Variants in DNAH17 observed in about 807,000 individuals in gnomAD.
The protein encoded by DNAH17 is dynein axonemal heavy chain 17, also known as axonemal beta dynein heavy chain 17.
Under a neutral mutation model 485.6 loss-of-function variants are expected in DNAH17, and 376 were observed. The observed-to-expected ratio is 0.77, with a 90% CI of 0.71 to 0.84. DNAH17 has a LOEUF of 0.84. Among genes scored for constraint, DNAH17 ranks in the 40% least tolerant of loss-of-function variants. The probability of loss-of-function intolerance (pLI) is 0.00; values close to 1 mark genes in which losing one functional copy is unlikely to be tolerated. For synonymous variants in DNAH17, 3,031 were observed against 2,405.9 expected (o/e 1.26, Z -7.60); for missense variants, 6,370 against 5,839.3 (o/e 1.09, Z -2.96).
chr17:78,427,803 C>T (rs542735737), intron 77 of DNAH17, among the ~76,000 whole-genome samples: 3 of 152,140 alleles, frequency 2.0e-5, no homozygotes, highest in African/African-American at 4.8e-5. Flanking sequence ...GAAACTGTCT[C>T]TACCACAAAT....
At position 78,475,426 on chromosome 17, in the gene DNAH17, C is replaced by T. The variant is rs779799677; in HGVS notation, c.8363G>A (p.Arg2788His). 21 of 1,613,710 alleles carry T rather than the reference C, an allele frequency of 1.3e-5. No individual in the cohort carries two copies. The highest frequency in any genetic ancestry group is 2.2e-5 in the East Asian group (1 of 44,886). Residue 2788 changes from arginine (R) to histidine (H), a missense_variant, in exon 54 of 81, where the codon CGC becomes CAC. Transcript: ENST00000389840. ...ATTCCCCCGGGGAGACTCCAGGATG[C>T]GATTAATCCTGCAGATGTGAGCCAC... ...DAVAHICRIN[R>H]ILESPRGNAL...
rs1402926495 is a variant in DNAH17, at chr17:78,575,093, T to G, written c.-25-11A>C. The G allele has an allele frequency of 6.5e-7, 1 of 1,545,826 alleles. No homozygotes were observed. Among genetic ancestry groups the G allele is most frequent in the Non-Finnish European group, 8.8e-7 (1 of 1,135,286 alleles). ...CCTTACACTGTGTATCTGTTAAGAG[T>G]GCAAGAAACAGGTACGAACTGTCTC... On this transcript the variant is annotated splice_polypyrimidine_tract_variant and intron_variant, in intron 1 of 80. Transcript: ENST00000389840.
At chr17:78,430,382 C>T (rs183377128) in intron 75 of DNAH17, among the ~76,000 whole-genome samples, 1 of 152,206 alleles carries the variant, frequency 6.6e-6, no homozygotes, top group Non-Finnish European at 1.5e-5. Context: ...CAGCTTCTTC[C>T]TGCTTCCGCA....
intron 79 of DNAH17, among the ~76,000 whole-genome samples, chr17:78,426,197 C>T (rs912676903): frequency 6.6e-6 from 1 of 152,180 alleles, no homozygotes; most frequent in Admixed American, 6.5e-5. Flanking sequence ...GGACGGCTTA[C>T]CCTTTGAGGG....
At chr17:78,550,931 A>G (rs1332392558) in intron 16 of DNAH17, among the ~76,000 whole-genome samples, 1 of 152,194 alleles carries the variant, frequency 6.6e-6, no homozygotes, top group Non-Finnish European at 1.5e-5. Context: ...TTGAAAATTG[A>G]ATCAGAGCCA....
At chr17:78,546,836 C>CG (rs1433777454) in intron 16 of DNAH17, among the ~76,000 whole-genome samples, 7 of 151,946 alleles carry the variant, frequency 4.6e-5, no homozygotes, top group African/African-American at 1.7e-4. Context: ...AACCCAGAGG[C>CG]GGAGGTTGCA....
chr17:78,492,494 C>T (rs993240173), intron 42 of DNAH17, 139 bp downstream of exon 42: 9 of 1,206,274 alleles, frequency 7.5e-6, no homozygotes, highest in Middle Eastern at 5.7e-4. Context: ...TACCATGGTG[C>T]CACCATTGCA....
chr17:78,554,473 G>GAAAAAAAAAAT (rs1568246690), intron 14 of DNAH17, among the ~76,000 whole-genome samples: 2 of 124,750 alleles, frequency 1.6e-5, no homozygotes, highest in Non-Finnish European at 3.2e-5. Flanking sequence ...AAAAAAAAAG[G>GAAAAAAAAAAT]ATAGGTTCTA....
In DNAH17 at chr17:78,532,690, A is replaced by G; in HGVS notation, c.2906T>C (p.Val969Ala). The change falls in exon 20 of 81, where the codon GTG (valine) becomes GCG (alanine). Residue 969 changes from valine (V) to alanine (A), a missense_variant. Transcript: ENST00000389840. ...CATGGCATTGATGACCAGGCTGGACACCTCCTCCCTCATCTCTATGAGGTC... is the reference window on the plus strand; with the variant it reads ...CATGGCATTGATGACCAGGCTGGACGCCTCCTCCCTCATCTCTATGAGGTC... ...NTDLIEMREE[V>A]SSLVINAMKE... is the part of the protein sequence containing the mutation. The G allele has an allele frequency of 6.3e-7, 1 of 1,592,568 alleles. No homozygotes were observed. Among genetic ancestry groups the G allele is most frequent in the Non-Finnish European group, 8.6e-7 (1 of 1,168,478 alleles).
intron 44 of DNAH17, among the ~76,000 whole-genome samples, chr17:78,490,485 C>T (rs892706336): frequency 9.2e-5 from 14 of 152,230 alleles, no homozygotes; most frequent in African/African-American, 3.1e-4. Context: ...TGCAAACATC[C>T]GTTTGCTCAG....
At chr17:78,495,386 G>T (rs1260628617) in intron 38 of DNAH17, among the ~76,000 whole-genome samples, 1 of 151,898 alleles carries the variant, frequency 6.6e-6, no homozygotes, top group East Asian at 1.9e-4. Flanking sequence ...CCCACCCAGG[G>T]GAAGACAGAG....
In DNAH17 at chr17:78,485,005, T is replaced by C; in HGVS notation, c.7512A>G (p.Lys2504=). The change falls in exon 48 of 81, where the codon AAA becomes AAG. Residue 2504 remains lysine, a synonymous_variant. Transcript: ENST00000389840. ...QGVLEKPLEK[K]SGRNYGPPGT... is the part of the protein sequence containing the mutation. ...CTGGCGGCCCGTAGTTCCTCCCCGA[T>C]TTCTTCTCCAGCGGCTTCTCCAGCA... 6.2e-7 allele frequency: 1 copy of C among 1,612,828 alleles called. No homozygotes were observed. The highest frequency in any genetic ancestry group is 8.5e-7 in the Non-Finnish European group (1 of 1,179,316).
intron 51 of DNAH17, among the ~76,000 whole-genome samples, chr17:78,477,519 G>T (rs2089088076): frequency 6.6e-6 from 1 of 152,118 alleles, no homozygotes; most frequent in Non-Finnish European, 1.5e-5. Context: ...TGGGACTACA[G>T]AGGCACACTC....
chr17:78,529,580 C>G lies in DNAH17; in HGVS notation c.3399G>C (p.Lys1133Asn). Reference sequence around the variant, plus strand: ...TGTTGTCGGTGGCTGCTTGCCTCTCCTTGACTTTCATCAGGTGCCCCATCA... The same window carrying G: ...TGTTGTCGGTGGCTGCTTGCCTCTCGTTGACTTTCATCAGGTGCCCCATCA... ...VEVMGHLMKV[K>N]ERQAATDNMF... Residue 1133 changes from lysine to asparagine, a missense_variant, in exon 22 of 81, where the codon AAG (lysine) becomes AAC (asparagine). Lys to Asn is a moderately conservative substitution (Grantham distance 94). Coordinates refer to ENST00000389840, the MANE Select transcript of DNAH17 (RefSeq NM_173628.4). 6.2e-7 allele frequency: 1 copy of G among 1,613,974 alleles called. No homozygotes were observed. Among genetic ancestry groups the G allele is most frequent in the Non-Finnish European group, 8.5e-7 (1 of 1,179,886 alleles).
At chr17:78,498,891 T>G in intron 37 of DNAH17, 117 bp downstream of exon 37, 1 of 743,624 alleles carries the variant, frequency 1.3e-6, no homozygotes, top group Non-Finnish European at 2.1e-6. Context: ...ACACCACCCT[T>G]CGGTGCTTGG....
At chr17:78,522,918 A>G (rs1017472596) in intron 25 of DNAH17, 2 of 158,550 alleles carry the variant, frequency 1.3e-5, no homozygotes, top group Non-Finnish European at 2.7e-5. Context: ...CAGTGGCTCC[A>G]TCATAGCTCA....
intron 16 of DNAH17, among the ~76,000 whole-genome samples, chr17:78,544,369 C>T (rs983570921): frequency 1.3e-5 from 2 of 152,124 alleles, no homozygotes; most frequent in Non-Finnish European, 2.9e-5. Context: ...CTGGGTGGAT[C>T]GTCCATAGCT....
chr17:78,505,755 G>A (rs532998093), intron 30 of DNAH17, among the ~76,000 whole-genome samples: 1 of 152,234 alleles, frequency 6.6e-6, no homozygotes, highest in South Asian at 2.1e-4. Context: ...GAGGCAGGTG[G>A]ATCACCCGAG....
chr17:78,484,989 C>T lies in DNAH17; in HGVS notation c.7528G>A (p.Gly2510Arg), dbSNP rs2089533166. 1.9e-6 allele frequency: 3 copies of T among 1,613,382 alleles called. No homozygotes were observed. Among genetic ancestry groups the T allele is most frequent in the Non-Finnish European group, 1.7e-6 (2 of 1,179,648 alleles). ...PLEKKSGRNY[G>R]PPGTKKLVYF... ...ACGAGCTTCTTAGTGCCTGGCGGCCCGTAGTTCCTCCCCGATTTCTTCTCC... is the reference window on the plus strand; with the variant it reads ...ACGAGCTTCTTAGTGCCTGGCGGCCTGTAGTTCCTCCCCGATTTCTTCTCC... The change falls in exon 48 of 81, where the codon GGG becomes AGG. Residue 2510 changes from glycine (G) to arginine (R), a missense_variant. Gly to Arg is a moderately radical substitution (Grantham distance 125). Coordinates refer to ENST00000389840, the MANE Select transcript of DNAH17 (RefSeq NM_173628.4).
Sources: allele counts gnomAD v4.1 joint callset (sites outside exome capture counted in the v4.1 genomes callset), GRCh38; gene constraint gnomAD v4.1.1; transcripts MANE v1.5; gene names NCBI Gene and HGNC (gene_info 2026-07-23, HGNC 2026-07-21).